The following MAGI2 variants were observed in gnomAD, a reference collection of about 807,000 sequenced individuals.
MAGI2 encodes the protein membrane-associated guanylate kinase, WW and PDZ domain-containing protein 2.
In MAGI2, 35 loss-of-function variants were observed where a neutral mutation model predicts 133.3. The ratio of observed to expected loss-of-function variants is 0.26; its 90% CI spans 0.20 to 0.35. The LOEUF is 0.35. MAGI2 is among the 10% of genes least tolerant of loss of function. The pLI, the probability that MAGI2 is intolerant of heterozygous loss-of-function variation, is 1.00. For synonymous variants in MAGI2, 729 were observed against 710.6 expected (o/e 1.03, Z -0.41); for missense variants, 1,636 against 1,863.4 (o/e 0.88, Z 2.25).
intron 1 of MAGI2, among the ~76,000 whole-genome samples, chr7:79,140,448 A>T (rs1822014922): frequency 6.6e-6 from 1 of 152,186 alleles, no homozygotes; most frequent in African/African-American, 2.4e-5. Flanking sequence ...CTCCTCTGAG[A>T]CCATACTAAT....
At chr7:78,480,173 T>G (rs1792203278) in intron 6 of MAGI2, among the ~76,000 whole-genome samples, 1 of 151,698 alleles carries the variant, frequency 6.6e-6, no homozygotes. Flanking sequence ...CTGTAACCAT[T>G]AAAGCAATTG....
At chr7:78,466,808 C>T (rs1219548852) in intron 6 of MAGI2, among the ~76,000 whole-genome samples, 1 of 152,112 alleles carries the variant, frequency 6.6e-6, no homozygotes, top group East Asian at 1.9e-4. Context: ...CGTGACTGGG[C>T]TGCTTGTTGA....
At position 78,521,467 on chromosome 7, in the gene MAGI2, C is replaced by T. The variant is rs1796497481; in HGVS notation, c.717G>A (p.Arg239=). 6.2e-7 allele frequency: 1 copy of T among 1,613,936 alleles called. No individual in the cohort carries two copies. ...CTACTCCATTTCCATTGACCACAGG[C>T]CTCTCTTCCTCTTCCTCCTCAGGAG... ...IEPPEEEEEE[R]PVVNGNGVVV... is the part of the protein sequence containing the mutation. Residue 239 remains arginine, a synonymous_variant, in exon 4 of 22, where the codon AGG becomes AGA. Transcript: ENST00000354212.
At chr7:79,439,673 G>T (rs1230768002) in intron 1 of MAGI2, among the ~76,000 whole-genome samples, 1 of 152,064 alleles carries the variant, frequency 6.6e-6, no homozygotes, top group Non-Finnish European at 1.5e-5. Flanking sequence ...AAAAATTAAT[G>T]AATAATTATT....
At chr7:79,277,828 G>A (rs1308652805) in intron 1 of MAGI2, among the ~76,000 whole-genome samples, 1 of 152,034 alleles carries the variant, frequency 6.6e-6, no homozygotes, top group African/African-American at 2.4e-5. Context: ...ATTACTTTCT[G>A]AAAAACCTGG....
intron 2 of MAGI2, among the ~76,000 whole-genome samples, chr7:78,824,346 C>A (rs1252979785): frequency 1.3e-5 from 2 of 152,140 alleles, no homozygotes; most frequent in Non-Finnish European, 2.9e-5. Flanking sequence ...CTTGAGGAAT[C>A]GCCACACTGT....
At chr7:78,111,039 C>T (rs1034368691) in intron 20 of MAGI2, among the ~76,000 whole-genome samples, 7 of 152,018 alleles carry the variant, frequency 4.6e-5, no homozygotes, top group Non-Finnish European at 8.8e-5. Context: ...TGAGTGACTC[C>T]CCTGCTCATC....
chr7:78,238,992 G>A (rs1790849283), intron 10 of MAGI2, among the ~76,000 whole-genome samples: 2 of 151,972 alleles, frequency 1.3e-5, no homozygotes, highest in South Asian at 4.2e-4. Flanking sequence ...TGGCTTGTCT[G>A]CATCAAGCAC....
chr7:79,388,663 A>G (rs1316361825), intron 1 of MAGI2, among the ~76,000 whole-genome samples: 1 of 151,790 alleles, frequency 6.6e-6, no homozygotes, highest in East Asian at 1.9e-4. Context: ...CAGAAAGGCA[A>G]ATGATTTCAC....
chr7:78,964,414 A>G (rs1005498544), intron 2 of MAGI2, among the ~76,000 whole-genome samples: 1 of 151,978 alleles, frequency 6.6e-6, no homozygotes, highest in Non-Finnish European at 1.5e-5. Context: ...GTTTTATTTT[A>G]TCAAACCACT....
At chr7:78,958,523 G>A (rs1802586774) in intron 2 of MAGI2, among the ~76,000 whole-genome samples, 1 of 152,086 alleles carries the variant, frequency 6.6e-6, no homozygotes, top group Non-Finnish European at 1.5e-5. Context: ...ATTATTTTTA[G>A]ACATTATACC....
chr7:78,430,328 T>C (rs1263090961), intron 6 of MAGI2, among the ~76,000 whole-genome samples: 3 of 142,580 alleles, frequency 2.1e-5, no homozygotes, highest in African/African-American at 7.9e-5. Flanking sequence ...TGCATGTAAA[T>C]ATGCATATAT....
chr7:78,220,949 C>T (rs1355089025), intron 10 of MAGI2, among the ~76,000 whole-genome samples: 1 of 152,172 alleles, frequency 6.6e-6, no homozygotes. Context: ...GGTGCAGCTG[C>T]CGGGTTTACA....
intron 21 of MAGI2, among the ~76,000 whole-genome samples, chr7:78,068,110 G>T (rs1239074184): frequency 6.6e-6 from 1 of 152,196 alleles, no homozygotes; most frequent in Non-Finnish European, 1.5e-5. Flanking sequence ...TAGACCAGGT[G>T]GGGGTAGGGG....
At chr7:78,668,956 C>A (rs922355849) in intron 2 of MAGI2, among the ~76,000 whole-genome samples, 12 of 151,998 alleles carry the variant, frequency 7.9e-5, no homozygotes, top group African/African-American at 2.9e-4. Flanking sequence ...TAAATGCCCA[C>A]AAGAGAAAGA....
chr7:78,705,801 C>T (rs1818584082), intron 2 of MAGI2, among the ~76,000 whole-genome samples: 1 of 152,062 alleles, frequency 6.6e-6, no homozygotes, highest in African/African-American at 2.4e-5. Flanking sequence ...TTCCAGGCAA[C>T]AAAGAGTGAC....
At chr7:78,404,397 C>T (rs1378806638) in intron 6 of MAGI2, among the ~76,000 whole-genome samples, 1 of 152,172 alleles carries the variant, frequency 6.6e-6, no homozygotes, top group East Asian at 1.9e-4. Flanking sequence ...CTGGAGGCAT[C>T]ATGCTACCTG....
intron 1 of MAGI2, among the ~76,000 whole-genome samples, chr7:79,041,337 T>C (rs1584767146): frequency 6.6e-6 from 1 of 152,166 alleles, no homozygotes; most frequent in Non-Finnish European, 1.5e-5. Flanking sequence ...GGACCTTTGA[T>C]AGAAATGAGT....
intron 1 of MAGI2, among the ~76,000 whole-genome samples, chr7:79,282,339 C>T (rs754672415): frequency 1.3e-5 from 2 of 152,062 alleles, no homozygotes; most frequent in African/African-American, 2.4e-5. Flanking sequence ...GAATTACAAA[C>T]GGTTTTTACT....
Sources: gnomAD v4.1 joint callset for allele counts (sites outside exome capture counted in the v4.1 genomes callset) on GRCh38, gnomAD v4.1.1 for gene constraint, MANE v1.5 for transcripts, NCBI Gene and HGNC (gene_info 2026-07-23, HGNC 2026-07-21) for gene names.